Variants in DIAPH2 observed in about 807,000 individuals in gnomAD.
The protein encoded by DIAPH2 is protein diaphanous homolog 2.
A neutral mutation model predicts 92.7 loss-of-function variants in DIAPH2; 35 were observed. The observed-to-expected ratio is 0.38, with a 90% CI of 0.29 to 0.50. DIAPH2 has a LOEUF of 0.50. Among genes scored for constraint, DIAPH2 ranks in the 20% least tolerant of loss-of-function variants. The pLI is 0.94. For synonymous variants in DIAPH2, 301 were observed against 280.4 expected (o/e 1.07, Z -0.73); for missense variants, 701 against 819.5 (o/e 0.86, Z 1.77).
At chrX:97,179,322 G>T (rs1205700640) in intron 22 of DIAPH2, among the ~76,000 whole-genome samples, 1 of 106,986 alleles carries the variant, frequency 9.3e-6, no homozygotes, top group East Asian at 3.0e-4. Flanking sequence ...CATGTGCCAT[G>T]GTGGTTTGCT....
intron 4 of DIAPH2, among the ~76,000 whole-genome samples, chrX:96,783,276 T>G (rs1193550743): frequency 8.9e-6 from 1 of 112,177 alleles, no homozygotes; most frequent in African/African-American, 3.2e-5. Flanking sequence ...TTTTTAATTG[T>G]TAAGTCATTG....
At chrX:97,300,963 A>G (rs1371215712) in intron 23 of DIAPH2, among the ~76,000 whole-genome samples, 12 of 32,158 alleles carry the variant, frequency 3.7e-4, no homozygotes, top group African/African-American at 7.3e-4. Flanking sequence ...AAAAAAAAAA[A>G]AAGAAGAAGA....
chrX:96,696,645 C>T (rs1282786962), intron 1 of DIAPH2, among the ~76,000 whole-genome samples: 1 of 111,871 alleles, frequency 8.9e-6, no homozygotes, highest in Non-Finnish European at 1.9e-5. Flanking sequence ...ATGGTCTGAG[C>T]CCTAGGGAAT....
chrX:97,473,609 A>G (rs1016220699), intron 26 of DIAPH2, among the ~76,000 whole-genome samples: 1 of 112,196 alleles, frequency 8.9e-6, no homozygotes, highest in Non-Finnish European at 1.9e-5. Context: ...TGCTGGCATT[A>G]TAGGTGTGAG....
rs1239959717 is a variant in DIAPH2, at chrX:97,045,848, A to ACTTTT, written c.2051-27093_2051-27092insCTTTT. On this transcript the variant is annotated intron_variant, in intron 17 of 26. Transcript: ENST00000324765. ...GGGTATGGTATTAGGGTATTTTAGG[A>ACTTTT]TTTTTTTTTTTTTTTTTTTTTTTGA... Among the ~76,000 whole-genome samples the ACTTTT allele has an allele frequency of 5.2e-3, 334 of 64,403 alleles. 16 individuals are homozygous for ACTTTT. The highest frequency in any genetic ancestry group is 0.019 in the African/African-American group (317 of 16,617). 55.9% of individuals were successfully genotyped at this position (64,403 alleles called of 115,157 possible).
At chrX:97,510,859 A>G (rs1335207713) in intron 26 of DIAPH2, among the ~76,000 whole-genome samples, 1 of 101,130 alleles carries the variant, frequency 9.9e-6, no homozygotes, top group Non-Finnish European at 2.0e-5. Flanking sequence ...GTTCTGTTCC[A>G]TTGGTCTATA....
intron 26 of DIAPH2, among the ~76,000 whole-genome samples, chrX:97,566,900 T>A (rs2147871884): frequency 8.9e-6 from 1 of 111,829 alleles, no homozygotes; most frequent in East Asian, 2.8e-4. Flanking sequence ...TAAACGCTGA[T>A]TATATCTATA....
At chrX:97,576,738 ACTTATAAAAATTATATTTTTT>A (rs1223200401) in intron 26 of DIAPH2, among the ~76,000 whole-genome samples, 1 of 111,286 alleles carries the variant, frequency 9.0e-6, no homozygotes. Context: ...AAATTTTTAT[ACTTATAAAAATTATATTTTTT>A]CTAGATCATG....
chrX:97,104,248 A>T (rs1033863492), intron 20 of DIAPH2, among the ~76,000 whole-genome samples: 1 of 112,310 alleles, frequency 8.9e-6, no homozygotes, highest in Admixed American at 9.5e-5. Flanking sequence ...TGAATGGAAA[A>T]TCAAGTGGAC....
Position 97,342,846 on chromosome X carries a change from C to G in DIAPH2, c.2845-5270C>G, listed in dbSNP as rs780553145. 7.2e-4 allele frequency among the ~76,000 whole-genome samples: 81 copies of G among 111,933 alleles called. 1 individual carries two copies. The highest frequency in any genetic ancestry group is 2.3e-3 in the African/African-American group (72 of 30,860). On this transcript the variant is annotated intron_variant, in intron 23 of 26. Transcript: ENST00000324765. ...TTTAGATTGGATAGTTGGGGAAAGCCTCTATGAGGAAGTGGCATTTGAGCT... is the reference window on the plus strand; with the variant it reads ...TTTAGATTGGATAGTTGGGGAAAGCGTCTATGAGGAAGTGGCATTTGAGCT...
At chrX:97,454,372 G>A (rs2070384190) in intron 26 of DIAPH2, among the ~76,000 whole-genome samples, 1 of 110,390 alleles carries the variant, frequency 9.1e-6, no homozygotes, top group Admixed American at 9.6e-5. Flanking sequence ...TGTATAATTG[G>A]TCTCAACTAT....
chrX:97,350,745 G>A (rs1889738255), intron 24 of DIAPH2, among the ~76,000 whole-genome samples: 1 of 111,718 alleles, frequency 9.0e-6, no homozygotes, highest in African/African-American at 3.3e-5. Flanking sequence ...TTCCCTGTTA[G>A]TAGTCTGAGT....
rs1276605136 is a variant in DIAPH2 at position 97,604,381 on chromosome X, A to T, written c.*5064A>T. The T allele has an allele frequency of 8.9e-6, 1 of 111,862 alleles. No homozygotes were observed. The highest frequency in any genetic ancestry group is 2.8e-4 in the East Asian group (1 of 3,572). The allele number at this position is 111,862 out of a possible 1,213,427, so 9.2% of individuals were successfully genotyped here. On this transcript the variant is annotated 3_prime_UTR_variant, in exon 27 of 27. Coordinates refer to ENST00000324765, the MANE Select transcript of DIAPH2 (RefSeq NM_006729.5). ...ACTATCACAGGTTCCAGGGAGTAGG[A>T]TATTGAATATCTTTTTTGGGGAGGG... is the stretch of plus-strand genomic sequence containing the variant.
At chrX:97,312,656 A>G (rs1164849300) in intron 23 of DIAPH2, among the ~76,000 whole-genome samples, 1 of 111,672 alleles carries the variant, frequency 9.0e-6, no homozygotes, top group Non-Finnish European at 1.9e-5. Flanking sequence ...GCAAGAATCC[A>G]TAATTTCTAG....
chrX:96,824,656 A>C (rs997434878), intron 4 of DIAPH2, among the ~76,000 whole-genome samples: 4 of 111,758 alleles, frequency 3.6e-5, no homozygotes, highest in African/African-American at 1.3e-4. Context: ...CAAAAGACCA[A>C]TCTCAGGAGC....
At chrX:97,345,158 AT>A (rs1348519462) in intron 23 of DIAPH2, among the ~76,000 whole-genome samples, 2 of 112,075 alleles carry the variant, frequency 1.8e-5, no homozygotes, top group African/African-American at 6.5e-5. Flanking sequence ...TATATGAAGC[AT>A]TACGTGTACC....
intron 22 of DIAPH2, among the ~76,000 whole-genome samples, chrX:97,146,906 C>A (rs1372323622): frequency 8.9e-6 from 1 of 111,817 alleles, no homozygotes; most frequent in African/African-American, 3.2e-5. Context: ...GGATTATTTT[C>A]AGTCTTCTCT....
chrX:97,239,579 G>GA (rs11399115), intron 22 of DIAPH2, among the ~76,000 whole-genome samples: 1,477 of 110,878 alleles, frequency 0.013, 35 homozygotes, highest in African/African-American at 0.046. Context: ...TGAAATGAGA[G>GA]AAAAAAAATT....
intron 26 of DIAPH2, among the ~76,000 whole-genome samples, chrX:97,432,693 G>C (rs2070140222): frequency 9.0e-6 from 1 of 111,201 alleles, no homozygotes; most frequent in Non-Finnish European, 1.9e-5. Flanking sequence ...CGCCAGGTTG[G>C]CCAGGCTGGC....
Sources: gnomAD v4.1 joint callset for allele counts (sites outside exome capture counted in the v4.1 genomes callset) on GRCh38, gnomAD v4.1.1 for gene constraint, MANE v1.5 for transcripts, NCBI Gene and HGNC (gene_info 2026-07-23, HGNC 2026-07-21) for gene names.